PTPRG: variants seen among roughly 807,000 people sequenced by gnomAD.
PTPRG encodes the protein receptor-type tyrosine-protein phosphatase gamma.
PTPRG carries 102 observed loss-of-function variants against 165.3 expected under a neutral mutation model. The observed-to-expected ratio is 0.62, with a 90% CI of 0.53 to 0.73. The LOEUF (loss-of-function observed/expected upper bound fraction) is 0.73, where lower values mean the gene tolerates loss of function less well. Among genes scored for constraint, PTPRG ranks in the 30% least tolerant of loss-of-function variants. The pLI is 0.00. For synonymous variants in PTPRG, 675 were observed against 669.5 expected (o/e 1.01, Z -0.13); for missense variants, 1,866 against 1,861.4 (o/e 1.00, Z -0.05).
chr3:61,626,292 CT>C (rs1330328047), intron 1 of PTPRG, among the ~76,000 whole-genome samples: 2 of 152,090 alleles, frequency 1.3e-5, no homozygotes, highest in African/African-American at 4.8e-5. Context: ...CTGTGTTTTG[CT>C]TTTTGTTTCT....
intron 5 of PTPRG, among the ~76,000 whole-genome samples, chr3:62,109,812 A>G (rs1368248436): frequency 1.3e-5 from 2 of 152,084 alleles, no homozygotes; most frequent in African/African-American, 4.8e-5. Context: ...CTTCTAATCT[A>G]TGCTTTCTGG....
intron 5 of PTPRG, among the ~76,000 whole-genome samples, chr3:62,107,529 A>G (rs1425111548): frequency 1.3e-5 from 2 of 152,258 alleles, no homozygotes; most frequent in Non-Finnish European, 2.9e-5. Context: ...ATACCAGTGT[A>G]TAAAATGGGT....
chr3:62,072,427 G>A (rs1485411125), intron 4 of PTPRG, among the ~76,000 whole-genome samples: 1 of 152,128 alleles, frequency 6.6e-6, no homozygotes, highest in Non-Finnish European at 1.5e-5. Context: ...ACACCTGGAG[G>A]GTTTTGCAGT....
chr3:62,054,970 G>A (rs1213235093), intron 4 of PTPRG, among the ~76,000 whole-genome samples: 3 of 152,168 alleles, frequency 2.0e-5, no homozygotes, highest in African/African-American at 7.2e-5. Context: ...ATTGCTCATT[G>A]GAATCAGGAA....
chr3:61,606,193 T>A (rs575161602), intron 1 of PTPRG, among the ~76,000 whole-genome samples: 1 of 152,180 alleles, frequency 6.6e-6, no homozygotes, highest in South Asian at 2.1e-4. Context: ...AGGCTCATTC[T>A]CTCCCAGGCT....
intron 2 of PTPRG, among the ~76,000 whole-genome samples, chr3:61,795,310 G>C (rs1200726041): frequency 6.6e-6 from 1 of 152,100 alleles, no homozygotes; most frequent in African/African-American, 2.4e-5. Context: ...TCAAGAAGTA[G>C]TAACCTCACT....
rs1264755214 is a variant in PTPRG, at chr3:62,194,002, T to A, written c.1219-1060T>A. On this transcript the variant is annotated intron_variant, in intron 9 of 29. Transcript: ENST00000474889. ...TTTTTAAAGGCTGTCAGAATGAAAC[T>A]GTGAGGAAGAGGGACCTGGATTTGG... 3.3e-5 allele frequency among the ~76,000 whole-genome samples: 5 copies of A among 152,216 alleles called. No homozygotes were observed. In the East Asian group the frequency reaches 9.6e-4, roughly 29 times the overall value.
chr3:61,599,770 C>T (rs1274345547), intron 1 of PTPRG, among the ~76,000 whole-genome samples: 1 of 151,854 alleles, frequency 6.6e-6, no homozygotes, highest in Non-Finnish European at 1.5e-5. Flanking sequence ...CTAGGATAAT[C>T]GGCATGAACC....
intron 1 of PTPRG, among the ~76,000 whole-genome samples, chr3:61,594,967 C>G (rs938776644): frequency 2.6e-5 from 4 of 151,930 alleles, no homozygotes; most frequent in Admixed American, 1.3e-4. Flanking sequence ...TTTCTTTTAA[C>G]CATTCCTTGT....
chr3:62,070,289 A>T (rs1260384085), intron 4 of PTPRG, among the ~76,000 whole-genome samples: 2 of 152,178 alleles, frequency 1.3e-5, no homozygotes, highest in Non-Finnish European at 2.9e-5. Flanking sequence ...TTGTATTTGC[A>T]CCTTTCTGAG....
chr3:61,618,934 G>T (rs1701374755), intron 1 of PTPRG, among the ~76,000 whole-genome samples: 1 of 147,156 alleles, frequency 6.8e-6, no homozygotes. Context: ...TTAAGCCCAG[G>T]AGTTCGAGAC....
intron 13 of PTPRG, among the ~76,000 whole-genome samples, chr3:62,227,030 A>T (rs1333946803): frequency 4.6e-5 from 7 of 152,190 alleles, no homozygotes; most frequent in Admixed American, 4.6e-4. Context: ...TGCAAACCGC[A>T]AATGTGTGGG....
At chr3:62,186,035 A>C (rs1182612386) in intron 8 of PTPRG, among the ~76,000 whole-genome samples, 1 of 152,190 alleles carries the variant, frequency 6.6e-6, no homozygotes, top group Non-Finnish European at 1.5e-5. Flanking sequence ...CCATCACTTA[A>C]AGAGCAAGCA....
At chr3:61,815,286 T>A (rs2035723029) in intron 2 of PTPRG, among the ~76,000 whole-genome samples, 2 of 150,064 alleles carry the variant, frequency 1.3e-5, no homozygotes, top group South Asian at 4.2e-4. Flanking sequence ...GATGTGCACC[T>A]GTAATCCCAG....
chr3:62,066,292 A>G (rs1051729008), intron 4 of PTPRG, among the ~76,000 whole-genome samples: 11 of 152,364 alleles, frequency 7.2e-5, no homozygotes, highest in Admixed American at 2.0e-4. Flanking sequence ...GGTTTCTTGT[A>G]TTTCAAAATG....
intron 2 of PTPRG, among the ~76,000 whole-genome samples, chr3:61,812,278 C>CCATTCATTCATTCATT (rs71782952): frequency 4.1e-5 from 6 of 144,642 alleles, no homozygotes; most frequent in Non-Finnish European, 7.6e-5. Context: ...GTGGTCCTGA[C>CCATTCATTCATTCATT]CATTCATTCA....
At chr3:62,211,946 GT>G (rs1700367962) in intron 12 of PTPRG, among the ~76,000 whole-genome samples, 1 of 151,434 alleles carries the variant, frequency 6.6e-6, no homozygotes, top group Non-Finnish European at 1.5e-5. Flanking sequence ...ACTGAAAACT[GT>G]TTTTCTTTTC....
chr3:61,918,498 T>A (rs763149936), intron 2 of PTPRG, among the ~76,000 whole-genome samples: 5 of 152,198 alleles, frequency 3.3e-5, no homozygotes, highest in East Asian at 1.9e-4. Context: ...ATTATTCTTT[T>A]GGAGCCACAT....
At chr3:61,711,410 C>T (rs1347329461) in intron 1 of PTPRG, among the ~76,000 whole-genome samples, 1 of 152,222 alleles carries the variant, frequency 6.6e-6, no homozygotes, top group Non-Finnish European at 1.5e-5. Flanking sequence ...GTTCCTATTT[C>T]TCCATATCCT....
Sources: gnomAD v4.1 joint callset for allele counts (sites outside exome capture counted in the v4.1 genomes callset) on GRCh38, gnomAD v4.1.1 for gene constraint, MANE v1.5 for transcripts, NCBI Gene and HGNC (gene_info 2026-07-23, HGNC 2026-07-21) for gene names.